ENTREP2: variants seen among roughly 807,000 people sequenced by gnomAD.
The protein encoded by ENTREP2 is endosomal transmembrane epsin interactor 2.
At chr15:29,360,712 C>G in the ENTREP2 span, among the ~76,000 whole-genome samples, 1 of 152,180 alleles carries the variant, frequency 6.6e-6, no homozygotes, top group Non-Finnish European at 1.5e-5. Context: ...ACCGAGGATC[C>G]TCTCACCCTG....
At chr15:29,212,330 C>T in the ENTREP2 span, among the ~76,000 whole-genome samples, 10 of 152,058 alleles carry the variant, frequency 6.6e-5, no homozygotes, top group African/African-American at 1.7e-4. Context: ...ATACCTCCCC[C>T]GTTTCATTTC....
the ENTREP2 span, among the ~76,000 whole-genome samples, chr15:29,402,659 A>C: frequency 1.3e-5 from 2 of 152,218 alleles, no homozygotes; most frequent in African/African-American, 4.8e-5. Context: ...AAGTGAAAGA[A>C]GAAGAAGGAA....
the ENTREP2 span, among the ~76,000 whole-genome samples, chr15:29,212,097 G>T: frequency 2.0e-5 from 3 of 151,792 alleles, no homozygotes; most frequent in African/African-American, 7.3e-5. Flanking sequence ...CTGTGAATCC[G>T]TCTGGTCCTG....
chr15:29,123,724 A>G, the ENTREP2 span: 1 of 1,448,152 alleles, frequency 6.9e-7, no homozygotes, highest in Admixed American at 2.4e-5. Flanking sequence ...AAGCAAAGAA[A>G]AGCCTGCTCG....
the ENTREP2 span, among the ~76,000 whole-genome samples, chr15:29,447,119 C>G: frequency 1.3e-5 from 2 of 152,256 alleles, no homozygotes; most frequent in African/African-American, 4.8e-5. Context: ...TTACAGCAAG[C>G]AAATTCCTTT....
At chr15:29,327,148 T>C in the ENTREP2 span, among the ~76,000 whole-genome samples, 1 of 152,060 alleles carries the variant, frequency 6.6e-6, no homozygotes, top group South Asian at 2.1e-4. Context: ...TGATTTGGGG[T>C]TTGGTTCAAA....
the ENTREP2 span, among the ~76,000 whole-genome samples, chr15:29,412,990 T>G: frequency 2.9e-4 from 44 of 152,208 alleles, no homozygotes; most frequent in African/African-American, 1.0e-3. Context: ...TCTAGGTACC[T>G]AAGGCTATTC....
the ENTREP2 span, among the ~76,000 whole-genome samples, chr15:29,532,682 A>C: frequency 6.6e-6 from 1 of 152,244 alleles, no homozygotes; most frequent in Non-Finnish European, 1.5e-5. Flanking sequence ...CCAATTTTTA[A>C]AACTTTCTGT....
chr15:29,591,263 AG>A, the ENTREP2 span, among the ~76,000 whole-genome samples: 10 of 152,344 alleles, frequency 6.6e-5, no homozygotes, highest in African/African-American at 2.4e-4. Context: ...ACTCAATTTT[AG>A]AAGATTATTG....
At chr15:29,221,260 G>C in the ENTREP2 span, among the ~76,000 whole-genome samples, 1 of 151,356 alleles carries the variant, frequency 6.6e-6, no homozygotes, top group Non-Finnish European at 1.5e-5. Flanking sequence ...GCAGTGCAGT[G>C]GCACAATCTT....
chr15:29,320,838 A>G, the ENTREP2 span, among the ~76,000 whole-genome samples: 3 of 152,332 alleles, frequency 2.0e-5, no homozygotes, highest in African/African-American at 4.8e-5. Context: ...AAAGTGCAAG[A>G]AAGAATGAGA....
At chr15:29,649,071 C>T in the ENTREP2 span, among the ~76,000 whole-genome samples, 1 of 151,966 alleles carries the variant, frequency 6.6e-6, no homozygotes, top group Non-Finnish European at 1.5e-5. Flanking sequence ...CACACACACA[C>T]ACACACACAC....
At chr15:29,308,271 C>G in the ENTREP2 span, among the ~76,000 whole-genome samples, 1 of 152,088 alleles carries the variant, frequency 6.6e-6, no homozygotes, top group South Asian at 2.1e-4. Context: ...AGCTAATCAG[C>G]AGGCTGAGGC....
chr15:29,474,801 C>A, the ENTREP2 span, among the ~76,000 whole-genome samples: 9 of 152,204 alleles, frequency 5.9e-5, no homozygotes, highest in Admixed American at 4.6e-4. Context: ...GTGATTTACT[C>A]GCGCCTCAGC....
the ENTREP2 span, among the ~76,000 whole-genome samples, chr15:29,469,182 C>T: frequency 6.6e-6 from 1 of 152,012 alleles, no homozygotes; most frequent in Admixed American, 6.6e-5. Flanking sequence ...CAAGATTCTG[C>T]TTCTTTTTTG....
the ENTREP2 span, among the ~76,000 whole-genome samples, chr15:29,188,142 C>T: frequency 1.3e-5 from 2 of 152,178 alleles, no homozygotes. Context: ...TGTCTTTGGT[C>T]TCTGCTCCTC....
the ENTREP2 span, among the ~76,000 whole-genome samples, chr15:29,273,523 T>C: frequency 1.3e-5 from 2 of 152,088 alleles, no homozygotes; most frequent in African/African-American, 4.8e-5. Flanking sequence ...CATAGGTTCG[T>C]GTGATGATTA....
the ENTREP2 span, among the ~76,000 whole-genome samples, chr15:29,466,744 G>T: frequency 7.3e-6 from 1 of 136,634 alleles, no homozygotes; most frequent in African/African-American, 2.8e-5. Flanking sequence ...CAGCCCCCAG[G>T]GGAGGGCCCA....
the ENTREP2 span, among the ~76,000 whole-genome samples, chr15:29,581,677 T>A: frequency 6.6e-6 from 1 of 152,078 alleles, no homozygotes; most frequent in African/African-American, 2.4e-5. Flanking sequence ...CTGATAGGTT[T>A]ACTGCAATTC....
Sources: allele counts gnomAD v4.1 joint callset (sites outside exome capture counted in the v4.1 genomes callset), GRCh38; gene constraint gnomAD v4.1.1; transcripts MANE v1.5; gene names NCBI Gene and HGNC (gene_info 2026-07-23, HGNC 2026-07-21).